The following PDE10A variants were observed in gnomAD, a reference collection of about 807,000 sequenced individuals.
PDE10A encodes phosphodiesterase 10A, also known as cAMP and cAMP-inhibited cGMP 3',5'-cyclic phosphodiesterase 10A.
In PDE10A, 39 loss-of-function variants were observed where a neutral mutation model predicts 97.7. That is an observed-to-expected ratio of 0.40 (90% CI 0.31 to 0.52). The LOEUF (loss-of-function observed/expected upper bound fraction) is 0.52. PDE10A is among the 20% of genes least tolerant of loss of function. The pLI, the probability that PDE10A is intolerant of heterozygous loss-of-function variation, is 0.56. For synonymous variants in PDE10A, 371 were observed against 376.8 expected (o/e 0.98, Z 0.18); for missense variants, 731 against 1,047.8 (o/e 0.70, Z 4.17).
intron 1 of PDE10A, among the ~76,000 whole-genome samples, chr6:165,977,818 G>A (rs1374503380): frequency 5.5e-4 from 84 of 152,194 alleles, no homozygotes; most frequent in Admixed American, 5.5e-3. Context: ...TTTATTTGGA[G>A]TAGCCCCAAA....
chr6:165,564,420 A>ATGT (rs900694084), intron 1 of PDE10A, among the ~76,000 whole-genome samples: 2 of 149,788 alleles, frequency 1.3e-5, no homozygotes, highest in Non-Finnish European at 2.9e-5. Flanking sequence ...CAACAACGAA[A>ATGT]TGTTGTTGAA....
intron 1 of PDE10A, among the ~76,000 whole-genome samples, chr6:165,833,402 G>A (rs1562759337): frequency 2.0e-5 from 3 of 152,346 alleles, no homozygotes; most frequent in South Asian, 4.1e-4. Flanking sequence ...TACCCTGGGT[G>A]GGAAATACAG....
intron 1 of PDE10A, among the ~76,000 whole-genome samples, chr6:165,965,937 A>G (rs929265364): frequency 6.6e-6 from 1 of 152,256 alleles, no homozygotes; most frequent in Non-Finnish European, 1.5e-5. Context: ...TAAAACATTC[A>G]GTAAACTATA....
At chr6:165,758,329 C>T (rs925678423) in intron 1 of PDE10A, among the ~76,000 whole-genome samples, 2 of 152,204 alleles carry the variant, frequency 1.3e-5, no homozygotes, top group Admixed American at 6.5e-5. Flanking sequence ...GGCGTTCTGG[C>T]GCATGCCTGT....
At chr6:165,972,036 G>C (rs1238783545) in intron 1 of PDE10A, among the ~76,000 whole-genome samples, 2 of 152,110 alleles carry the variant, frequency 1.3e-5, no homozygotes, top group African/African-American at 4.8e-5. Context: ...CAGCCTCCTG[G>C]GGTGTGAGGG....
At chr6:165,355,642 G>A (rs1003930359) in intron 18 of PDE10A, among the ~76,000 whole-genome samples, 1 of 152,152 alleles carries the variant, frequency 6.6e-6, no homozygotes, top group Non-Finnish European at 1.5e-5. Flanking sequence ...GATATACTAA[G>A]AGTAATGTTG....
chr6:165,650,156 C>G (rs1789605754), intron 1 of PDE10A, among the ~76,000 whole-genome samples: 1 of 152,078 alleles, frequency 6.6e-6, no homozygotes, highest in Non-Finnish European at 1.5e-5. Flanking sequence ...AGGAGGAAGA[C>G]CATAAAAACA....
intron 18 of PDE10A, among the ~76,000 whole-genome samples, chr6:165,347,172 G>A (rs546377200): frequency 4.0e-5 from 6 of 151,636 alleles, no homozygotes; most frequent in African/African-American, 1.5e-4. Context: ...AATCATATCT[G>A]TAATAACTAC....
intron 13 of PDE10A, among the ~76,000 whole-genome samples, chr6:165,407,506 T>C (rs954964541): frequency 6.6e-6 from 1 of 152,244 alleles, no homozygotes; most frequent in African/African-American, 2.4e-5. Context: ...TAAAGCCTTA[T>C]ATCAAATAAG....
At chr6:165,753,368 C>T (rs1261830450) in intron 1 of PDE10A, among the ~76,000 whole-genome samples, 1 of 152,204 alleles carries the variant, frequency 6.6e-6, no homozygotes, top group Non-Finnish European at 1.5e-5. Context: ...CTTTCAGACT[C>T]CATTCAGCCA....
chr6:165,459,990 T>A (rs1778224648), intron 3 of PDE10A, among the ~76,000 whole-genome samples: 1 of 152,226 alleles, frequency 6.6e-6, no homozygotes, highest in Non-Finnish European at 1.5e-5. Flanking sequence ...TCACTCTAAG[T>A]TTGATAAAAA....
At chr6:165,850,839 T>C (rs1183596379) in intron 1 of PDE10A, among the ~76,000 whole-genome samples, 2 of 152,244 alleles carry the variant, frequency 1.3e-5, no homozygotes, top group African/African-American at 2.4e-5. Context: ...TATTTTTAGA[T>C]TGAAATATGA....
chr6:165,399,864 T>C (rs1351679951), intron 13 of PDE10A, among the ~76,000 whole-genome samples: 1 of 152,214 alleles, frequency 6.6e-6, no homozygotes, highest in Non-Finnish European at 1.5e-5. Context: ...TCTGCTATTG[T>C]TAATAGTGCC....
intron 1 of PDE10A, among the ~76,000 whole-genome samples, chr6:165,588,290 T>TC (rs1786041995): frequency 3.4e-5 from 5 of 146,014 alleles, no homozygotes; most frequent in African/African-American, 1.3e-4. Context: ...TCTTTTTTTT[T>TC]TTTTTTTTTT....
chr6:165,908,746 C>G (rs2128485854), intron 1 of PDE10A: 1 of 152,260 alleles, frequency 6.6e-6, no homozygotes, highest in East Asian at 1.9e-4. Flanking sequence ...TAGGATGTGT[C>G]TTTTCACTGA....
intron 1 of PDE10A, among the ~76,000 whole-genome samples, chr6:165,770,289 G>A (rs561326925): frequency 3.4e-4 from 51 of 151,598 alleles, no homozygotes; most frequent in Non-Finnish European, 6.5e-4. Flanking sequence ...TGCAACTTAG[G>A]AATTGTAGAA....
At chr6:165,601,678 A>G (rs1325541361) in intron 1 of PDE10A, among the ~76,000 whole-genome samples, 2 of 152,212 alleles carry the variant, frequency 1.3e-5, no homozygotes, top group Non-Finnish European at 2.9e-5. Context: ...GTGTTTCTCG[A>G]AATTCACATA....
chr6:165,392,804 G>A lies in PDE10A; in HGVS notation c.2304-8C>T. 6.2e-7 allele frequency: 1 copy of A among 1,613,408 alleles called. No individual in the cohort carries two copies. The highest frequency in any genetic ancestry group is 8.5e-7 in the Non-Finnish European group (1 of 1,179,582). ...AACTTTTCAAGCTCAAAGCTGCATG[G>A]AAAAGAAATTGTTATGACTGAAACC... On this transcript the variant is annotated splice_region_variant and splice_polypyrimidine_tract_variant and intron_variant, in intron 15 of 21. Coordinates refer to ENST00000539869, the MANE Select transcript of PDE10A (RefSeq NM_001385079.1).
At chr6:165,859,538 C>T (rs1583200277) in intron 1 of PDE10A, among the ~76,000 whole-genome samples, 1 of 152,158 alleles carries the variant, frequency 6.6e-6, no homozygotes, top group Non-Finnish European at 1.5e-5. Context: ...ATGCAGAGGG[C>T]CAAGCAAGTG....
Sources: allele counts gnomAD v4.1 joint callset (sites outside exome capture counted in the v4.1 genomes callset), GRCh38; gene constraint gnomAD v4.1.1; transcripts MANE v1.5; gene names NCBI Gene and HGNC (gene_info 2026-07-23, HGNC 2026-07-21).